KCNK9: variants seen among roughly 807,000 people sequenced by gnomAD.
KCNK9 encodes the protein potassium channel subfamily K member 9.
Under a neutral mutation model 10.8 loss-of-function variants are expected in KCNK9, and 1 was observed. The observed-to-expected ratio is 0.09, with a 90% CI of 0.03 to 0.44. The LOEUF (loss-of-function observed/expected upper bound fraction) is 0.44. KCNK9 is among the 20% of genes least tolerant of loss of function. The probability of loss-of-function intolerance (pLI) is 0.97; values close to 1 mark genes in which losing one functional copy is unlikely to be tolerated. For synonymous variants in KCNK9, 231 were observed against 222.7 expected, an observed-to-expected ratio of 1.04 and a Z score of -0.33; for missense variants, 303 against 515.0, an observed-to-expected ratio of 0.59 and a Z score of 3.98.
chr8:139,641,473 C>T (rs1815502901), intron 1 of KCNK9, among the ~76,000 whole-genome samples: 2 of 152,204 alleles, frequency 1.3e-5, no homozygotes, highest in African/African-American at 4.8e-5. Flanking sequence ...CCTGAGCCCC[C>T]TGAAATGGGC....
chr8:139,655,324 G>C (rs1222389049), intron 1 of KCNK9, among the ~76,000 whole-genome samples: 1 of 152,146 alleles, frequency 6.6e-6, no homozygotes, highest in Admixed American at 6.5e-5. Flanking sequence ...TTGTAATCAC[G>C]AGGAGCAAAC....
chr8:139,605,644 G>C (rs1298555751), intron 2 of KCNK9, among the ~76,000 whole-genome samples: 1 of 152,188 alleles, frequency 6.6e-6, no homozygotes, highest in African/African-American at 2.4e-5. Context: ...ACGTGCCATA[G>C]AGATTTTAAT....
intron 1 of KCNK9, among the ~76,000 whole-genome samples, chr8:139,640,908 C>T (rs910552373): frequency 6.6e-6 from 1 of 152,240 alleles, no homozygotes; most frequent in Admixed American, 6.5e-5. Context: ...GTGCCAGGCC[C>T]ACCGGTAGCT....
chr8:139,665,594 C>T (rs367678494), intron 1 of KCNK9, among the ~76,000 whole-genome samples: 4 of 152,330 alleles, frequency 2.6e-5, no homozygotes, highest in African/African-American at 9.6e-5. Flanking sequence ...GCCTACCTTG[C>T]CCTGGCTCTG....
chr8:139,680,235 C>A (rs1445528250), intron 1 of KCNK9, among the ~76,000 whole-genome samples: 1 of 152,220 alleles, frequency 6.6e-6, no homozygotes, highest in African/African-American at 2.4e-5. Flanking sequence ...CCACAAGTTC[C>A]CGTGTCTGGG....
At chr8:139,615,844 A>G (rs555738851), downstream of KCNK9, 1 of 152,176 alleles carries the variant, frequency 6.6e-6, no homozygotes, top group African/African-American at 2.4e-5. Flanking sequence ...TATGGCTCCT[A>G]TATGACCAAA....
chr8:139,637,552 A>T (rs907754234), intron 1 of KCNK9, among the ~76,000 whole-genome samples: 27 of 152,174 alleles, frequency 1.8e-4, no homozygotes, highest in African/African-American at 5.8e-4. Context: ...ATACTAAATG[A>T]CGTCATCTAA....
chr8:139,622,186 G>C lies in KCNK9; in HGVS notation c.284-3087C>G, dbSNP rs1473824763. Among the ~76,000 whole-genome samples, 3 of 152,216 alleles carry C rather than the reference G, an allele frequency of 2.0e-5. No individual in the cohort carries two copies. In the East Asian group the frequency reaches 5.8e-4, roughly 29 times the overall value. ...CCCTTGGTAAGACACGTGCATGAGA[G>C]AGTATGGGAGATGAACAGCGCTGAG... On this transcript the variant is annotated intron_variant, in intron 1 of 1. Coordinates refer to ENST00000520439, the MANE Select transcript of KCNK9 (RefSeq NM_001282534.2).
intron 1 of KCNK9, among the ~76,000 whole-genome samples, chr8:139,687,277 G>T (rs1316452104): frequency 6.6e-6 from 1 of 150,492 alleles, no homozygotes; most frequent in African/African-American, 2.4e-5. Flanking sequence ...ATGACAGGAG[G>T]CTTCTACTTC....
Position 139,677,828 on chromosome 8 carries a change from A to ATCTGATCCCAATGTGTCCCCATG in KCNK9, c.283+24881_283+24882insCATGGGGACACATTGGGATCAGA, listed in dbSNP as rs1816593186. Among the ~76,000 whole-genome samples the ATCTGATCCCAATGTGTCCCCATG allele has an allele frequency of 5.0e-5, 7 of 141,276 alleles. 1 individual carries two copies. The highest frequency in any genetic ancestry group is 1.9e-4 in the African/African-American group (7 of 36,076). The allele number at this position is 141,276 out of a possible 152,430, so 92.7% of individuals were successfully genotyped here. On this transcript the variant is annotated intron_variant, in intron 1 of 1. Transcript: ENST00000520439. Reference sequence around the variant, plus strand: ...ACCTCCCAGCCCAACAGGTCCCCACAGCTGCAGAGTAGTACCTCACATCCC... The same window carrying ATCTGATCCCAATGTGTCCCCATG: ...ACCTCCCAGCCCAACAGGTCCCCACATCTGATCCCAATGTGTCCCCATGGCTGCAGAGTAGTACCTCACATCCC...
At chr8:139,695,578 A>G (rs1428676798) in intron 1 of KCNK9, among the ~76,000 whole-genome samples, 2 of 152,018 alleles carry the variant, frequency 1.3e-5, no homozygotes, top group African/African-American at 4.8e-5. Context: ...AGGAAAAGAG[A>G]CCCTCAAAAC....
chr8:139,611,321 CA>C (rs1311660351), downstream of KCNK9: 1 of 152,276 alleles, frequency 6.6e-6, no homozygotes, highest in East Asian at 1.9e-4. Context: ...CTCAGAGAGG[CA>C]AAACCACCAC....
chr8:139,601,798 C>T (rs983115348), intron 2 of KCNK9, among the ~76,000 whole-genome samples: 9 of 152,190 alleles, frequency 5.9e-5, no homozygotes, highest in African/African-American at 1.9e-4. Flanking sequence ...AGAGACCCCT[C>T]TTACTGTTTG....
Position 139,672,909 on chromosome 8 carries a change from A to AG in KCNK9, c.283+29800dup, listed in dbSNP as rs562662635. On this transcript the variant is annotated intron_variant, in intron 1 of 1. Transcript: ENST00000520439. ...CGGATCTTCCCTGGCATCACAGTGC[A>AG]GAAGGCACTGCGCCAGGCGGGAGAG... is the stretch of plus-strand genomic sequence containing the variant. Among the ~76,000 whole-genome samples the AG allele has an allele frequency of 7.0e-4, 106 of 152,358 alleles. 1 individual carries two copies. The highest frequency in any genetic ancestry group is 2.4e-3 in the African/African-American group (100 of 41,600).
chr8:139,663,633 A>C (rs1334947459), intron 1 of KCNK9, among the ~76,000 whole-genome samples: 1 of 129,722 alleles, frequency 7.7e-6, no homozygotes, highest in African/African-American at 3.1e-5. Context: ...CCCCAGGAAC[A>C]GACGCGCGTG....
intron 1 of KCNK9, among the ~76,000 whole-genome samples, chr8:139,625,593 A>G (rs762917193): frequency 2.6e-5 from 4 of 152,222 alleles, no homozygotes; most frequent in Non-Finnish European, 4.4e-5. Flanking sequence ...AGCTTTGCCC[A>G]AGACACAGCA....
At chr8:139,601,400 C>G (rs1817366782) in exon 3 of KCNK9, 1 of 152,150 alleles carries the variant, frequency 6.6e-6, no homozygotes, top group Non-Finnish European at 1.5e-5. Flanking sequence ...ACAGCTGAGG[C>G]TTGACTGGTT....
chr8:139,676,149 T>C (rs1816545202), intron 1 of KCNK9, among the ~76,000 whole-genome samples: 1 of 152,226 alleles, frequency 6.6e-6, no homozygotes, highest in African/African-American at 2.4e-5. Flanking sequence ...CCTGCATTAA[T>C]GTGAAAGCCA....
chr8:139,699,607 T>A (rs1300933591), intron 1 of KCNK9, among the ~76,000 whole-genome samples: 2 of 152,190 alleles, frequency 1.3e-5, no homozygotes, highest in African/African-American at 4.8e-5. Context: ...CAGAGCCTGA[T>A]AAATGATGTA....
Sources: allele counts gnomAD v4.1 joint callset (sites outside exome capture counted in the v4.1 genomes callset), GRCh38; gene constraint gnomAD v4.1.1; transcripts MANE v1.5; gene names NCBI Gene and HGNC (gene_info 2026-07-23, HGNC 2026-07-21).